PAMR1: variants seen among roughly 807,000 people sequenced by gnomAD.
PAMR1 encodes the protein inactive serine protease PAMR1.
In PAMR1, 88 loss-of-function variants were observed where a neutral mutation model predicts 81.8. The ratio of observed to expected loss-of-function variants is 1.08; its 90% CI spans 0.91 to 1.28. PAMR1 has a LOEUF of 1.28. PAMR1 is among the 50% of genes most tolerant of loss of function. PAMR1 has a pLI of 0.00. For synonymous variants in PAMR1, 336 were observed against 345.3 expected (o/e 0.97, Z 0.30); for missense variants, 935 against 919.7 (o/e 1.02, Z -0.21).
chr11:35,478,133 C>T (rs537196738), intron 3 of PAMR1, among the ~76,000 whole-genome samples: 2 of 152,324 alleles, frequency 1.3e-5, no homozygotes, highest in Admixed American at 6.5e-5. Context: ...TTCTTCTCTC[C>T]ATATGGAAGC....
intron 10 of PAMR1, among the ~76,000 whole-genome samples, chr11:35,433,811 G>C (rs1201582471): frequency 6.7e-6 from 1 of 149,880 alleles, no homozygotes; most frequent in Non-Finnish European, 1.5e-5. Context: ...TGGATAGATG[G>C]AGGGATGGAG....
Position 35,434,611 on chromosome 11 carries a change from C to G in PAMR1, c.1527G>C (p.Leu509=), listed in dbSNP as rs1390083439. ...CTGTCTTGATCATGGTGACCTTCCC[C>G]AGGTCAGTAACACAGTGGGCAGCCA... ...VVVAAHCVTD[L]GKVTMIKTAD... The change falls in exon 10 of 11, where the codon CTG becomes CTC. Residue 509 remains leucine (L), a synonymous_variant. Transcript: ENST00000619888. The G allele has an allele frequency of 6.2e-7, 1 of 1,614,028 alleles. No homozygotes were observed. The highest frequency in any genetic ancestry group is 8.5e-7 in the Non-Finnish European group (1 of 1,179,986).
intron 1 of PAMR1, among the ~76,000 whole-genome samples, chr11:35,506,559 G>A (rs1850961157): frequency 6.6e-6 from 1 of 151,070 alleles, no homozygotes; most frequent in Non-Finnish European, 1.5e-5. Flanking sequence ...TCAAAGGGTA[G>A]CTTTGCTGGA....
chr11:35,457,554 G>A (rs1203888356), intron 6 of PAMR1, among the ~76,000 whole-genome samples: 1 of 152,052 alleles, frequency 6.6e-6, no homozygotes, highest in Non-Finnish European at 1.5e-5. Context: ...AGAGAACCAT[G>A]ACTAATACAA....
intron 1 of PAMR1, 60 bp downstream of exon 1, chr11:35,525,453 G>A: frequency 2.1e-6 from 3 of 1,426,158 alleles, no homozygotes; most frequent in Non-Finnish European, 2.9e-6. Flanking sequence ...CAGACCCCAG[G>A]AGGAAAATGC....
At chr11:35,484,622 A>T (rs986967229) in intron 3 of PAMR1, among the ~76,000 whole-genome samples, 2 of 152,222 alleles carry the variant, frequency 1.3e-5, no homozygotes, top group Admixed American at 1.3e-4. Flanking sequence ...GGCATGGCTT[A>T]TGGCCAGTTC....
intron 3 of PAMR1, among the ~76,000 whole-genome samples, chr11:35,479,196 AAGG>A (rs1850337273): frequency 6.6e-6 from 1 of 152,146 alleles, no homozygotes; most frequent in South Asian, 2.1e-4. Context: ...TTAGAAAGAA[AAGG>A]AGGACTTAAA....
intron 1 of PAMR1, among the ~76,000 whole-genome samples, chr11:35,506,140 A>G (rs1850947434): frequency 6.6e-6 from 1 of 151,106 alleles, no homozygotes; most frequent in South Asian, 2.1e-4. Flanking sequence ...AGGAAGAAAG[A>G]AAACAGCTTT....
intron 1 of PAMR1, among the ~76,000 whole-genome samples, chr11:35,524,653 T>C (rs568839026): frequency 1.3e-4 from 20 of 152,246 alleles, no homozygotes; most frequent in African/African-American, 4.3e-4. Flanking sequence ...TGCCCTCATC[T>C]CATGAGGTCT....
chr11:35,510,849 AT>A (rs1388318102), intron 1 of PAMR1, among the ~76,000 whole-genome samples: 4 of 152,250 alleles, frequency 2.6e-5, no homozygotes, highest in Non-Finnish European at 4.4e-5. Context: ...GAATAAAAAA[AT>A]ATTAAGACAG....
chr11:35,461,176 C>A lies in PAMR1; in HGVS notation c.820+6825G>T, dbSNP rs187983100. On this transcript the variant is annotated intron_variant, in intron 6 of 10. Transcript: ENST00000619888. ...ATACAATCTGCCTGCCATGTTAAGT[C>A]CTGTCTCAGTGACCTCATCTGCCAA... 2.0e-5 allele frequency among the ~76,000 whole-genome samples: 3 copies of A among 152,318 alleles called. No homozygotes were observed. The East Asian group carries it at 5.8e-4, about 29-fold the overall frequency.
In PAMR1 at chr11:35,485,530, C is replaced by T. The variant is rs115845868; in HGVS notation, c.379+6515G>A. ...GCAGAAAGATGTGAATAAGTTCTCT[C>T]CTGGGCTCAATAGCCTCAGGCCGTT... On this transcript the variant is annotated intron_variant, in intron 3 of 10. Transcript: ENST00000619888. Among the ~76,000 whole-genome samples the T allele has an allele frequency of 6.9e-3, 1,049 of 152,284 alleles. 6 individuals are homozygous for T. The highest frequency in any genetic ancestry group is 0.024 in the African/African-American group (981 of 41,550).
At chr11:35,467,514 C>T (rs1180926645) in intron 6 of PAMR1, among the ~76,000 whole-genome samples, 1 of 152,200 alleles carries the variant, frequency 6.6e-6, no homozygotes, top group African/African-American at 2.4e-5. Context: ...CAATTCAAGA[C>T]ACTTTGCTCA....
At chr11:35,488,517 G>A (rs937009788) in intron 3 of PAMR1, among the ~76,000 whole-genome samples, 3 of 146,916 alleles carry the variant, frequency 2.0e-5, no homozygotes, top group African/African-American at 7.5e-5. Context: ...CACTGCACCC[G>A]GCCTTTCCCA....
chr11:35,482,093 G>A (rs1463503698), intron 3 of PAMR1, among the ~76,000 whole-genome samples: 2 of 152,056 alleles, frequency 1.3e-5, no homozygotes, highest in African/African-American at 4.8e-5. Flanking sequence ...TGGCATTTTC[G>A]TCATTAAGTC....
chr11:35,459,544 C>G (rs558640627), intron 6 of PAMR1, among the ~76,000 whole-genome samples: 1 of 152,282 alleles, frequency 6.6e-6, no homozygotes, highest in Admixed American at 6.5e-5. Flanking sequence ...GCCAACTTCT[C>G]AAACTATAAG....
chr11:35,432,162 G>A lies in PAMR1; in HGVS notation c.*194C>T. The A allele has an allele frequency of 1.7e-6, 1 of 600,584 alleles. No individual in the cohort carries two copies. Among genetic ancestry groups the A allele is most frequent in the South Asian group, 2.0e-5 (1 of 48,980 alleles). The allele number at this position is 600,584 out of a possible 1,614,324, so 37.2% of individuals were successfully genotyped here. On this transcript the variant is annotated 3_prime_UTR_variant, in exon 11 of 11. Transcript: ENST00000619888. Reference sequence around the variant, plus strand: ...TGGCATCTTCCAATTGGCTGTCCTAGTAGTGGACGCGGCATCAGCCTACCA... The same window carrying A: ...TGGCATCTTCCAATTGGCTGTCCTAATAGTGGACGCGGCATCAGCCTACCA...
At chr11:35,467,287 T>C (rs1656995866) in intron 6 of PAMR1, among the ~76,000 whole-genome samples, 1 of 152,186 alleles carries the variant, frequency 6.6e-6, no homozygotes, top group African/African-American at 2.4e-5. Context: ...GAGCCTGTCC[T>C]TAACACTTCA....
chr11:35,526,474 C>G (rs115075709), upstream of PAMR1, among the ~76,000 whole-genome samples: 32,950 of 152,060 alleles, frequency 0.22, 3,819 homozygotes, highest in Non-Finnish European at 0.26. Flanking sequence ...AAGGATGTTT[C>G]ATAATAGGTG....
Sources: gnomAD v4.1 joint callset for allele counts (sites outside exome capture counted in the v4.1 genomes callset) on GRCh38, gnomAD v4.1.1 for gene constraint, MANE v1.5 for transcripts, NCBI Gene and HGNC (gene_info 2026-07-23, HGNC 2026-07-21) for gene names.